Variants in IL1R1 observed in about 807,000 individuals in gnomAD.
The protein encoded by IL1R1 is interleukin 1 receptor type 1.
Under a neutral mutation model 50.2 loss-of-function variants are expected in IL1R1, and 22 were observed. The ratio of observed to expected loss-of-function variants is 0.44; its 90% CI spans 0.31 to 0.63. The LOEUF is 0.63. Among genes scored for constraint, IL1R1 ranks in the 20% least tolerant of loss-of-function variants. IL1R1 has a pLI of 0.07. For synonymous variants in IL1R1, 251 were observed against 236.7 expected (o/e 1.06, Z -0.55); for missense variants, 509 against 676.2 (o/e 0.75, Z 2.74).
At chr2:102,090,147 T>C (rs1318687651) in intron 1 of IL1R1, among the ~76,000 whole-genome samples, 1 of 150,352 alleles carries the variant, frequency 6.7e-6, no homozygotes, top group African/African-American at 2.4e-5. Context: ...CCTTTTTTTT[T>C]CAATTTTTTT....
chr2:102,170,866 G>A (rs1685607829), intron 7 of IL1R1, among the ~76,000 whole-genome samples: 1 of 152,208 alleles, frequency 6.6e-6, no homozygotes, highest in Non-Finnish European at 1.5e-5. Flanking sequence ...TTTGAGACCA[G>A]CCTGGCCAAG....
intron 7 of IL1R1, among the ~76,000 whole-genome samples, chr2:102,169,685 A>G (rs1351566849): frequency 6.6e-6 from 1 of 152,244 alleles, no homozygotes; most frequent in Non-Finnish European, 1.5e-5. Context: ...TACTTGGCCA[A>G]TTCTGTACTT....
intron 3 of IL1R1, among the ~76,000 whole-genome samples, chr2:102,162,257 A>G (rs3917266): frequency 0.015 from 2,223 of 152,040 alleles, 52 homozygotes; most frequent in African/African-American, 0.051. Flanking sequence ...TTTCTTTTTA[A>G]TCTATTTTTA....
intron 2 of IL1R1, among the ~76,000 whole-genome samples, chr2:102,155,340 C>G (rs1367827088): frequency 2.0e-5 from 3 of 152,312 alleles, no homozygotes; most frequent in East Asian, 1.9e-4. Flanking sequence ...GGCACGGAGG[C>G]TGAGCTTTTA....
chr2:102,084,967 T>C (rs943211665), intron 1 of IL1R1, among the ~76,000 whole-genome samples: 5 of 152,376 alleles, frequency 3.3e-5, no homozygotes. Flanking sequence ...TTTAATTGAA[T>C]TTCCCCAATG....
chr2:102,133,687 A>G (rs1340497105), intron 1 of IL1R1, among the ~76,000 whole-genome samples: 1 of 152,274 alleles, frequency 6.6e-6, no homozygotes. Context: ...CAACAGATGC[A>G]GAAAAAGCAC....
chr2:102,166,329 G>T, intron 6 of IL1R1, 48 bp downstream of exon 6: 1 of 1,407,988 alleles, frequency 7.1e-7, no homozygotes, highest in Non-Finnish European at 9.7e-7. Flanking sequence ...GGAAGGTCCA[G>T]AGACTGTGAT....
At chr2:102,074,925 AAT>A (rs369198941) in intron 1 of IL1R1, among the ~76,000 whole-genome samples, 20 of 152,066 alleles carry the variant, frequency 1.3e-4, no homozygotes, top group East Asian at 7.7e-4. Flanking sequence ...CATTTTATTA[AAT>A]ATATATATAT....
At chr2:102,160,416 C>T (rs1684612089) in intron 3 of IL1R1, among the ~76,000 whole-genome samples, 1 of 151,900 alleles carries the variant, frequency 6.6e-6, no homozygotes. Context: ...TTTCTTCTTA[C>T]TTCTGTTATA....
intron 1 of IL1R1, among the ~76,000 whole-genome samples, chr2:102,071,001 A>T (rs1284768072): frequency 1.3e-5 from 2 of 152,138 alleles, no homozygotes; most frequent in Non-Finnish European, 2.9e-5. Flanking sequence ...GTCAAAAAGG[A>T]TTAAAAGTTA....
intron 1 of IL1R1, among the ~76,000 whole-genome samples, chr2:102,131,753 A>G (rs923356370): frequency 6.6e-6 from 1 of 152,204 alleles, no homozygotes; most frequent in African/African-American, 2.4e-5. Flanking sequence ...GGAGTCACTC[A>G]AGGGAAAAAG....
intron 1 of IL1R1, among the ~76,000 whole-genome samples, chr2:102,078,562 TCACACACACACA>T (rs35407722): frequency 1.8e-4 from 19 of 104,120 alleles, no homozygotes; most frequent in Middle Eastern, 5.3e-3. Context: ...TCAAAAAACT[TCACACACACACA>T]CACACACACA....
At position 102,089,626 on chromosome 2, in the gene IL1R1, G is replaced by A. The variant is rs368331088; in HGVS notation, c.-84+19093G>A. Among the ~76,000 whole-genome samples the A allele has an allele frequency of 7.2e-5, 11 of 152,246 alleles. No homozygotes were observed. The South Asian group carries it at 2.3e-3, about 32-fold the overall frequency. Reference sequence around the variant, plus strand: ...CAAAACAAAAACCCCCACAGTATCTGTGAGGTACAATAAAGCAAAGTGAAA... The same window carrying A: ...CAAAACAAAAACCCCCACAGTATCTATGAGGTACAATAAAGCAAAGTGAAA... On this transcript the variant is annotated intron_variant, in intron 1 of 11. Transcript: ENST00000409929.
At chr2:102,097,805 G>A (rs6706392) in intron 1 of IL1R1, among the ~76,000 whole-genome samples, 128,545 of 151,994 alleles carry the variant, frequency 0.85, 54,592 homozygotes, top group East Asian at 0.96. Flanking sequence ...CAAAGAAAAT[G>A]TTTTACCTAA....
At chr2:102,171,079 T>G (rs1229646791) in intron 7 of IL1R1, among the ~76,000 whole-genome samples, 2 of 152,032 alleles carry the variant, frequency 1.3e-5, no homozygotes, top group African/African-American at 4.8e-5. Flanking sequence ...AAAATGGAAT[T>G]AAATAATGGA....
Position 102,179,063 on chromosome 2 carries a change from A to G in IL1R1, c.*2304A>G, listed in dbSNP as rs1185287935. ...TGTTCTGGAGCTGCTGTTCCAACAG[A>G]CAGGGCCTAGCTTTCATTTGACACA... is the stretch of plus-strand genomic sequence containing the variant. On this transcript the variant is annotated 3_prime_UTR_variant, in exon 12 of 12. Transcript: ENST00000410023. The G allele has an allele frequency of 1.3e-5, 2 of 152,338 alleles. No homozygotes were observed. Among genetic ancestry groups the G allele is most frequent in the East Asian group, 1.9e-4 (1 of 5,332 alleles). The allele number at this position is 152,338 out of a possible 1,614,324, so 9.4% of individuals were successfully genotyped here. A position where few individuals can be genotyped will look rare whatever the true frequency, so the allele number is the denominator to read the frequency against.
At chr2:102,074,942 CTCAT>C (rs565965391) in intron 1 of IL1R1, among the ~76,000 whole-genome samples, 15 of 151,924 alleles carry the variant, frequency 9.9e-5, no homozygotes, top group African/African-American at 3.6e-4. Context: ...ATATATTTAA[CTCAT>C]TAATTATCTA....
chr2:102,132,171 T>C (rs999270880), intron 1 of IL1R1, among the ~76,000 whole-genome samples: 2 of 151,778 alleles, frequency 1.3e-5, no homozygotes, highest in African/African-American at 4.8e-5. Context: ...AGACCTGCAC[T>C]ACAAAAATGT....
At chr2:102,132,824 G>A (rs942460902) in intron 1 of IL1R1, among the ~76,000 whole-genome samples, 1 of 152,116 alleles carries the variant, frequency 6.6e-6, no homozygotes, top group African/African-American at 2.4e-5. Context: ...AACAAAATTA[G>A]GCATAAAACA....
Sources: allele counts gnomAD v4.1 joint callset (sites outside exome capture counted in the v4.1 genomes callset), GRCh38; gene constraint gnomAD v4.1.1; transcripts MANE v1.5; gene names NCBI Gene and HGNC (gene_info 2026-07-23, HGNC 2026-07-21).